The following MACROD2 variants were observed in gnomAD, a reference collection of about 807,000 sequenced individuals.
MACROD2 encodes the protein ADP-ribose glycohydrolase MACROD2.
MACROD2 carries 36 observed loss-of-function variants against 70.4 expected under a neutral mutation model. The ratio of observed to expected loss-of-function variants is 0.51; its 90% CI spans 0.39 to 0.68. The LOEUF (loss-of-function observed/expected upper bound fraction) is 0.68. Among genes scored for constraint, MACROD2 ranks in the 30% least tolerant of loss-of-function variants. The pLI, the probability that MACROD2 is intolerant of heterozygous loss-of-function variation, is 0.00. For missense variants in MACROD2, 496 were observed against 538.4 expected, an observed-to-expected ratio of 0.92 and a Z score of 0.78; for synonymous variants, 172 against 178.8, an observed-to-expected ratio of 0.96 and a Z score of 0.30.
At chr20:15,999,771 T>G (rs901200158) in intron 15 of MACROD2, among the ~76,000 whole-genome samples, 2 of 152,246 alleles carry the variant, frequency 1.3e-5, no homozygotes, top group African/African-American at 4.8e-5. Context: ...CTATTTTGTC[T>G]AGTGTAAGTA....
chr20:15,123,429 A>T (rs1460885359), intron 5 of MACROD2, among the ~76,000 whole-genome samples: 1 of 152,196 alleles, frequency 6.6e-6, no homozygotes, highest in Non-Finnish European at 1.5e-5. Flanking sequence ...GAGCAAGTAA[A>T]ATTCGGCTAG....
Position 15,715,362 on chromosome 20 carries a change from A to T in MACROD2, c.646-147383A>T, listed in dbSNP as rs554393811. Reference sequence around the variant, plus strand: ...GAATAGTATTTCTTTTGCAACCCTGATCTTACTTGGGGATGAAAACAATTA... The same window carrying T: ...GAATAGTATTTCTTTTGCAACCCTGTTCTTACTTGGGGATGAAAACAATTA... On this transcript the variant is annotated intron_variant, in intron 8 of 17. Transcript: ENST00000684519. 3.4e-4 allele frequency among the ~76,000 whole-genome samples: 52 copies of T among 152,296 alleles called. 1 individual carries two copies. In the South Asian group the frequency reaches 0.011, roughly 31 times the overall value.
At chr20:15,934,109 A>C (rs1159674751) in intron 11 of MACROD2, among the ~76,000 whole-genome samples, 2 of 152,300 alleles carry the variant, frequency 1.3e-5, no homozygotes, top group Middle Eastern at 3.4e-3. Context: ...AAAAAATAAA[A>C]ATAAAAATCC....
intron 3 of MACROD2, among the ~76,000 whole-genome samples, chr20:14,268,819 T>C (rs1247636388): frequency 2.0e-5 from 3 of 152,192 alleles, no homozygotes; most frequent in East Asian, 1.9e-4. Context: ...GCATGTACTT[T>C]TCATTCTTGT....
intron 8 of MACROD2, among the ~76,000 whole-genome samples, chr20:15,551,881 A>AAG (rs1369366953): frequency 6.6e-6 from 1 of 151,820 alleles, no homozygotes; most frequent in East Asian, 1.9e-4. Flanking sequence ...AAAAAAAAAA[A>AAG]AAAAAGAATA....
intron 5 of MACROD2, among the ~76,000 whole-genome samples, chr20:15,202,646 A>G (rs948650656): frequency 3.9e-5 from 6 of 152,216 alleles, no homozygotes; most frequent in African/African-American, 1.2e-4. Context: ...TTAATGACCT[A>G]TCTTGCTGGG....
intron 3 of MACROD2, among the ~76,000 whole-genome samples, chr20:14,298,972 G>T (rs1341674179): frequency 6.6e-6 from 1 of 152,164 alleles, no homozygotes; most frequent in Non-Finnish European, 1.5e-5. Context: ...TCTACTCCTG[G>T]TGAAGATGCT....
At chr20:15,538,285 T>C (rs945880288) in intron 8 of MACROD2, among the ~76,000 whole-genome samples, 3 of 152,136 alleles carry the variant, frequency 2.0e-5, no homozygotes, top group African/African-American at 7.2e-5. Context: ...AAGGACTCTA[T>C]TTGGAAAATG....
At chr20:15,303,854 C>T (rs529709270) in intron 6 of MACROD2, among the ~76,000 whole-genome samples, 4 of 152,274 alleles carry the variant, frequency 2.6e-5, no homozygotes, top group African/African-American at 7.2e-5. Flanking sequence ...CCTACAATTC[C>T]TCTTCCTTCT....
chr20:15,380,504 TAAAAC>T (rs1004694538), intron 6 of MACROD2, among the ~76,000 whole-genome samples: 5 of 152,062 alleles, frequency 3.3e-5, no homozygotes, highest in Non-Finnish European at 5.9e-5. Flanking sequence ...AATGTTATAT[TAAAAC>T]AAAGATAATA....
intron 7 of MACROD2, among the ~76,000 whole-genome samples, chr20:15,440,681 C>T (rs1161214219): frequency 6.6e-6 from 1 of 152,200 alleles, no homozygotes. Context: ...GTGTGACAAT[C>T]ATTGCTGTGC....
chr20:15,821,063 A>G (rs1416125708), intron 8 of MACROD2, among the ~76,000 whole-genome samples: 1 of 152,108 alleles, frequency 6.6e-6, no homozygotes, highest in African/African-American at 2.4e-5. Context: ...TACTGCAAAT[A>G]TCTTCTCTGT....
intron 8 of MACROD2, among the ~76,000 whole-genome samples, chr20:15,799,404 C>T (rs1453217638): frequency 6.6e-6 from 1 of 152,150 alleles, no homozygotes; most frequent in Non-Finnish European, 1.5e-5. Context: ...ATCTAATTCT[C>T]TAATATGTTT....
intron 8 of MACROD2, among the ~76,000 whole-genome samples, chr20:15,651,687 T>C (rs895457125): frequency 6.6e-6 from 1 of 152,144 alleles, no homozygotes; most frequent in African/African-American, 2.4e-5. Flanking sequence ...ATCTTTCAAC[T>C]CCAGTGGTCC....
At chr20:14,004,232 C>G (rs183688383) in intron 2 of MACROD2, among the ~76,000 whole-genome samples, 2 of 152,186 alleles carry the variant, frequency 1.3e-5, no homozygotes, top group East Asian at 3.9e-4. Flanking sequence ...GTAAATGTTC[C>G]CCAAATTAGA....
At chr20:14,303,061 C>T (rs1568545916) in intron 3 of MACROD2, among the ~76,000 whole-genome samples, 1 of 152,312 alleles carries the variant, frequency 6.6e-6, no homozygotes. Context: ...AAAGTTCCTT[C>T]CTCTGATGTC....
At chr20:14,267,360 G>A (rs1352431459) in intron 3 of MACROD2, among the ~76,000 whole-genome samples, 1 of 152,084 alleles carries the variant, frequency 6.6e-6, no homozygotes, top group Non-Finnish European at 1.5e-5. Context: ...AAAACAAAAT[G>A]TAGAGTTAAC....
chr20:15,950,763 T>C (rs1276579262), intron 12 of MACROD2, among the ~76,000 whole-genome samples: 1 of 152,162 alleles, frequency 6.6e-6, no homozygotes, highest in African/African-American at 2.4e-5. Context: ...AGTTCAGCAG[T>C]CAAAACATTT....
chr20:15,320,652 C>T (rs543213325), intron 6 of MACROD2, among the ~76,000 whole-genome samples: 13 of 152,244 alleles, frequency 8.5e-5, no homozygotes, highest in African/African-American at 2.9e-4. Context: ...ATACTAGCTT[C>T]AATTGCTAGT....
Sources: allele counts gnomAD v4.1 joint callset (sites outside exome capture counted in the v4.1 genomes callset), GRCh38; gene constraint gnomAD v4.1.1; transcripts MANE v1.5; gene names NCBI Gene and HGNC (gene_info 2026-07-23, HGNC 2026-07-21).